Variants in CEP70 observed in about 807,000 individuals in gnomAD.
CEP70 encodes centrosomal protein of 70 kDa.
Under a neutral mutation model 90.9 loss-of-function variants are expected in CEP70, and 70 were observed. The ratio of observed to expected loss-of-function variants is 0.77; its 90% confidence interval spans 0.64 to 0.94. The LOEUF (loss-of-function observed/expected upper bound fraction) is 0.94, where lower values mean the gene tolerates loss of function less well. Among genes scored for constraint, CEP70 ranks in the 40% least tolerant of loss-of-function variants. The pLI is 0.00. For synonymous variants in CEP70, 220 were observed against 228.3 expected, an observed-to-expected ratio of 0.96 and a Z score of 0.33; for missense variants, 648 against 669.0, an observed-to-expected ratio of 0.97 and a Z score of 0.35.
intron 6 of CEP70, among the ~76,000 whole-genome samples, chr3:138,550,589 C>T (rs1316779744): frequency 6.6e-6 from 1 of 152,212 alleles, no homozygotes; most frequent in Non-Finnish European, 1.5e-5. Context: ...TCTCAAACTC[C>T]TGACCTCAGG....
At chr3:138,548,065 C>T (rs959238352) in intron 6 of CEP70, among the ~76,000 whole-genome samples, 4 of 151,980 alleles carry the variant, frequency 2.6e-5, no homozygotes, top group African/African-American at 7.3e-5. Context: ...AGAGATACTA[C>T]AAAAAGAAGA....
intron 2 of CEP70, among the ~76,000 whole-genome samples, chr3:138,574,532 G>A (rs2041386559): frequency 6.6e-6 from 1 of 152,226 alleles, no homozygotes; most frequent in South Asian, 2.1e-4. Context: ...TGAACAAAAG[G>A]CAGCAGAAAC....
intron 7 of CEP70, among the ~76,000 whole-genome samples, chr3:138,534,501 T>C (rs1204387096): frequency 6.6e-6 from 1 of 152,206 alleles, no homozygotes; most frequent in Non-Finnish European, 1.5e-5. Context: ...TAACCAATTA[T>C]CTTCAATAAA....
At chr3:138,534,775 C>T (rs2038120057) in intron 7 of CEP70, among the ~76,000 whole-genome samples, 1 of 152,108 alleles carries the variant, frequency 6.6e-6, no homozygotes, top group Non-Finnish European at 1.5e-5. Flanking sequence ...ACTGAAGGTG[C>T]CTAAGTATAT....
At chr3:138,564,719 T>C (rs1483458761) in intron 6 of CEP70, among the ~76,000 whole-genome samples, 1 of 152,148 alleles carries the variant, frequency 6.6e-6, no homozygotes, top group Non-Finnish European at 1.5e-5. Context: ...GAGCTAATTA[T>C]GACAACCCAC....
rs1692453706 is a variant in CEP70 at position 138,580,961 on chromosome 3, A to G, written c.-5-8029T>C. Among the ~76,000 whole-genome samples the G allele has an allele frequency of 3.3e-5, 5 of 152,062 alleles. No homozygotes were observed. In the South Asian group the frequency reaches 1.0e-3, roughly 32 times the overall value. On this transcript the variant is annotated intron_variant, in intron 2 of 17. Coordinates refer to ENST00000264982, the MANE Select transcript of CEP70 (RefSeq NM_024491.4). The stretch of plus-strand genomic sequence containing the variant: ...GAGCCTGAACACAGGCTATTTGAAA[A>G]TACACGGTCAGAGGAGACAAGAGAA...
intron 6 of CEP70, among the ~76,000 whole-genome samples, chr3:138,554,660 G>A (rs1476009494): frequency 1.3e-5 from 2 of 152,158 alleles, no homozygotes; most frequent in Non-Finnish European, 2.9e-5. Flanking sequence ...CAGTATCTCT[G>A]CTATACACCA....
At chr3:138,590,195 T>C (rs2042311262) in intron 2 of CEP70, among the ~76,000 whole-genome samples, 2 of 152,174 alleles carry the variant, frequency 1.3e-5, no homozygotes, top group Non-Finnish European at 2.9e-5. Context: ...GATACTGTCA[T>C]ATGTATAATA....
At chr3:138,510,621 T>TA (rs1488350743) in intron 11 of CEP70, among the ~76,000 whole-genome samples, 1 of 152,134 alleles carries the variant, frequency 6.6e-6, no homozygotes, top group Non-Finnish European at 1.5e-5. Flanking sequence ...TAATGAGTCA[T>TA]AGAGTCAGTT....
chr3:138,513,889 T>C (rs1051005059), intron 11 of CEP70, among the ~76,000 whole-genome samples: 8 of 152,134 alleles, frequency 5.3e-5, no homozygotes, highest in Non-Finnish European at 1.0e-4. Flanking sequence ...GAAGAGTCCA[T>C]GTTCTCCCAC....
At chr3:138,528,146 G>A (rs1265478955) in intron 10 of CEP70, among the ~76,000 whole-genome samples, 1 of 151,292 alleles carries the variant, frequency 6.6e-6, no homozygotes, top group African/African-American at 2.4e-5. Context: ...CTGGGGTCAA[G>A]TGATCCTTCC....
chr3:138,495,495 A>G (rs969957357), intron 17 of CEP70, among the ~76,000 whole-genome samples: 3 of 152,220 alleles, frequency 2.0e-5, no homozygotes, highest in Non-Finnish European at 4.4e-5. Flanking sequence ...CTTCTCATAG[A>G]ACAGTCTTGT....
At chr3:138,510,433 C>CA (rs58172702) in intron 11 of CEP70, among the ~76,000 whole-genome samples, 50,845 of 142,310 alleles carry the variant, frequency 0.36, 10,660 homozygotes, top group East Asian at 0.54. Context: ...ACTCCATCTC[C>CA]AAAAAAAAAA....
intron 16 of CEP70, chr3:138,499,781 T>TACA: frequency 7.7e-6 from 1 of 130,048 alleles, no homozygotes; most frequent in Non-Finnish European, 1.4e-5. Context: ...TATCTCTCTC[T>TACA]CTACACACAC....
intron 6 of CEP70, 23 bp downstream of exon 6, chr3:138,570,295 T>C (rs759041620): frequency 2.0e-6 from 3 of 1,476,566 alleles, no homozygotes; most frequent in East Asian, 2.4e-5. Flanking sequence ...CTAACCATCA[T>C]CTAAGAATTC....
chr3:138,516,921 T>G (rs1019111430), intron 11 of CEP70, among the ~76,000 whole-genome samples: 4 of 152,220 alleles, frequency 2.6e-5, no homozygotes, highest in Non-Finnish European at 5.9e-5. Flanking sequence ...AGAGTACACA[T>G]AGATAATCTT....
At chr3:138,525,109 T>C (rs1288769303) in intron 11 of CEP70, among the ~76,000 whole-genome samples, 1 of 152,116 alleles carries the variant, frequency 6.6e-6, no homozygotes, top group Non-Finnish European at 1.5e-5. Context: ...TTCATGTCCT[T>C]TGTAGGGACA....
chr3:138,579,419 C>A (rs543833027), intron 2 of CEP70, among the ~76,000 whole-genome samples: 1 of 151,792 alleles, frequency 6.6e-6, no homozygotes, highest in Non-Finnish European at 1.5e-5. Flanking sequence ...CCTCCCCCAA[C>A]CCCAGGCAGC....
At chr3:138,517,084 A>G (rs565182909) in intron 11 of CEP70, among the ~76,000 whole-genome samples, 12 of 152,250 alleles carry the variant, frequency 7.9e-5, no homozygotes, top group African/African-American at 2.9e-4. Context: ...CATTCAGATC[A>G]TAATTATCAA....
Sources: allele counts gnomAD v4.1 joint callset (sites outside exome capture counted in the v4.1 genomes callset), GRCh38; gene constraint gnomAD v4.1.1; transcripts MANE v1.5; gene names NCBI Gene and HGNC (gene_info 2026-07-23, HGNC 2026-07-21).